The following CCDC102B variants were observed in gnomAD, a reference collection of about 807,000 sequenced individuals.
The protein encoded by CCDC102B is coiled-coil domain-containing protein 102B.
Under a neutral mutation model 57.4 loss-of-function variants are expected in CCDC102B, and 75 were observed. The observed-to-expected ratio is 1.31, with a 90% confidence interval of 1.08 to 1.58. The LOEUF (loss-of-function observed/expected upper bound fraction) is 1.58, where lower values mean the gene tolerates loss of function less well. CCDC102B is among the 40% of genes most tolerant of loss of function. The pLI is 0.00. For synonymous variants in CCDC102B, 206 were observed against 201.9 expected (o/e 1.02, Z -0.17); for missense variants, 636 against 582.6 (o/e 1.09, Z -0.94).
At chr18:68,994,503 T>G (rs1414181248) in intron 6 of CCDC102B, among the ~76,000 whole-genome samples, 1 of 150,926 alleles carries the variant, frequency 6.6e-6, no homozygotes, top group African/African-American at 2.4e-5. Flanking sequence ...CCCCTCTCCC[T>G]GACCCCTCCT....
intron 6 of CCDC102B, among the ~76,000 whole-genome samples, chr18:69,001,494 A>G (rs1275860233): frequency 3.6e-3 from 24 of 6,690 alleles, no homozygotes; most frequent in Middle Eastern, 0.25. Context: ...ACAAAAGGGA[A>G]AAAAAAAAAA....
rs140851935 is a variant in CCDC102B, at chr18:68,739,900, C to A, written c.-67+23306C>A. On this transcript the variant is annotated intron_variant, in intron 2 of 3. Transcript: ENST00000578970. ...AGCTGCAGAGCTTCCTTGTTGTGTG[C>A]TGCCTTCTGAAAAAGCAACTTGTGT... Among the ~76,000 whole-genome samples, 898 of 152,268 alleles carry A rather than the reference C, an allele frequency of 5.9e-3. 11 individuals are homozygous for A. Among genetic ancestry groups the A allele is most frequent in the African/African-American group, 0.021 (853 of 41,542 alleles).
chr18:68,950,267 A>T (rs928622215), intron 6 of CCDC102B, among the ~76,000 whole-genome samples: 2 of 152,106 alleles, frequency 1.3e-5, no homozygotes, highest in African/African-American at 4.8e-5. Context: ...GAATTGGCTG[A>T]AACAGTTATG....
intron 5 of CCDC102B, among the ~76,000 whole-genome samples, chr18:68,880,349 G>A (rs7505655): frequency 0.25 from 37,415 of 152,112 alleles, 5,990 homozygotes; most frequent in Non-Finnish European, 0.35. Context: ...AGCACCGCGC[G>A]CAGCCCCGGT....
At chr18:68,776,594 T>C (rs1230217213) in intron 2 of CCDC102B, among the ~76,000 whole-genome samples, 1 of 152,144 alleles carries the variant, frequency 6.6e-6, no homozygotes, top group Non-Finnish European at 1.5e-5. Context: ...TGTTCTCACT[T>C]ATAAGTGGGA....
chr18:68,911,633 T>C (rs1366464366), intron 6 of CCDC102B, among the ~76,000 whole-genome samples: 1 of 148,132 alleles, frequency 6.8e-6, no homozygotes, highest in African/African-American at 2.5e-5. Context: ...GCGCCTGTAG[T>C]CCCAGCTACT....
At chr18:68,933,753 A>G (rs2041755998) in intron 6 of CCDC102B, among the ~76,000 whole-genome samples, 1 of 151,934 alleles carries the variant, frequency 6.6e-6, no homozygotes, top group South Asian at 2.1e-4. Flanking sequence ...GTTCTACAAT[A>G]TGATCATATA....
At chr18:68,848,140 T>A (rs1209254976) in intron 4 of CCDC102B, among the ~76,000 whole-genome samples, 1 of 151,872 alleles carries the variant, frequency 6.6e-6, no homozygotes, top group Non-Finnish European at 1.5e-5. Flanking sequence ...CAGACAAGAA[T>A]TTTAGGCTAT....
At chr18:68,915,102 A>G (rs188604969) in intron 6 of CCDC102B, among the ~76,000 whole-genome samples, 107 of 152,318 alleles carry the variant, frequency 7.0e-4, no homozygotes, top group African/African-American at 2.5e-3. Flanking sequence ...GCTATTTTAT[A>G]TATCTTCTAG....
At chr18:69,017,100 A>G (rs1233274355) in intron 7 of CCDC102B, among the ~76,000 whole-genome samples, 1 of 151,912 alleles carries the variant, frequency 6.6e-6, no homozygotes, top group Non-Finnish European at 1.5e-5. Context: ...TTTCTTTTTT[A>G]ATTAATTATT....
At chr18:68,762,279 G>A (rs191542634) in intron 2 of CCDC102B, among the ~76,000 whole-genome samples, 45 of 152,118 alleles carry the variant, frequency 3.0e-4, no homozygotes, top group Admixed American at 1.9e-3. Flanking sequence ...CTCTATTTAC[G>A]GAGAACATAT....
At position 68,874,781 on chromosome 18, in the gene CCDC102B, C is replaced by T. The variant is rs1262808038; in HGVS notation, c.1049C>T (p.Ala350Val). ...GACAGAGTGATTTGTGAGTTAAGAG[C>T]AGAGGTAAGACACTGGGTAAAGAGT... is the stretch of plus-strand genomic sequence containing the variant. ...SKDRVICELR[A>V]ELERLQAENT... is the part of the protein sequence containing the mutation. The change falls in exon 5 of 8, where the codon GCA (alanine) becomes GTA (valine). Residue 350 changes from alanine to valine, a missense_variant. Transcript: ENST00000360242. 1.3e-6 allele frequency: 2 copies of T among 1,568,270 alleles called. No individual in the cohort carries two copies. Among genetic ancestry groups the T allele is most frequent in the East Asian group, 4.5e-5 (2 of 44,598 alleles).
intron 7 of CCDC102B, among the ~76,000 whole-genome samples, chr18:69,022,504 A>G (rs925098032): frequency 6.6e-6 from 1 of 151,998 alleles, no homozygotes. Context: ...ATTAGAAAAA[A>G]TTTGCAACTA....
At chr18:68,834,164 G>GA (rs2144777773) in intron 1 of CCDC102B, among the ~76,000 whole-genome samples, 1 of 152,072 alleles carries the variant, frequency 6.6e-6, no homozygotes, top group African/African-American at 2.4e-5. Context: ...AGTCAGATGT[G>GA]AAAAAATACA....
intron 4 of CCDC102B, among the ~76,000 whole-genome samples, chr18:68,868,198 T>G (rs2039087501): frequency 6.6e-6 from 1 of 152,170 alleles, no homozygotes; most frequent in Non-Finnish European, 1.5e-5. Flanking sequence ...ATTTTATTTT[T>G]GAGTTTAAAT....
chr18:68,842,553 C>A (rs1449349194), intron 3 of CCDC102B, among the ~76,000 whole-genome samples: 1 of 152,082 alleles, frequency 6.6e-6, no homozygotes, highest in African/African-American at 2.4e-5. Context: ...GAGGTGGCCA[C>A]CTAGACTTTT....
chr18:68,922,980 A>G (rs927054572), intron 6 of CCDC102B, among the ~76,000 whole-genome samples: 12 of 152,006 alleles, frequency 7.9e-5, no homozygotes, highest in Admixed American at 4.6e-4. Flanking sequence ...TAGCCTTCTG[A>G]TCTCTGTTGC....
intron 3 of CCDC102B, among the ~76,000 whole-genome samples, chr18:68,840,140 T>C (rs538145579): frequency 6.6e-6 from 1 of 152,322 alleles, no homozygotes; most frequent in South Asian, 2.1e-4. Flanking sequence ...ATATCTAATA[T>C]ATAAATAAGG....
chr18:68,899,063 G>A (rs1219126396), intron 6 of CCDC102B, among the ~76,000 whole-genome samples: 1 of 151,996 alleles, frequency 6.6e-6, no homozygotes, highest in Non-Finnish European at 1.5e-5. Context: ...TGGGTATGCT[G>A]ATCACTTAGA....
Sources: allele counts gnomAD v4.1 joint callset (sites outside exome capture counted in the v4.1 genomes callset), GRCh38; gene constraint gnomAD v4.1.1; transcripts MANE v1.5; gene names NCBI Gene and HGNC (gene_info 2026-07-23, HGNC 2026-07-21).